The following EYS variants were observed in gnomAD, a reference collection of about 807,000 sequenced individuals.
EYS encodes EGF-like photoreceptor maintenance factor.
Under a neutral mutation model 282.1 loss-of-function variants are expected in EYS, and 250 were observed. That is an observed-to-expected ratio of 0.89 (90% CI 0.80 to 0.98). The LOEUF (loss-of-function observed/expected upper bound fraction) is 0.98. Among genes scored for constraint, EYS ranks in the 50% least tolerant of loss-of-function variants. EYS has a pLI of 0.00. For missense variants in EYS, 4,016 were observed against 3,709.0 expected, an observed-to-expected ratio of 1.08 and a Z score of -2.15; for synonymous variants, 1,355 against 1,282.9, an observed-to-expected ratio of 1.06 and a Z score of -1.20.
rs959077202 is a variant in EYS at position 63,867,648 on chromosome 6, G to A, written c.7056-3290C>T. ...GTAAGATACATAGTATGTGACAAAG[G>A]AATAGAGAAAGTATCAAGTATTTTA... On this transcript the variant is annotated intron_variant, in intron 35 of 42. Transcript: ENST00000503581. 7.2e-5 allele frequency among the ~76,000 whole-genome samples: 11 copies of A among 152,120 alleles called. No homozygotes were observed. In the East Asian group the frequency reaches 1.5e-3, roughly 21 times the overall value.
intron 1 of EYS, among the ~76,000 whole-genome samples, chr6:65,646,481 T>C (rs1383469459): frequency 6.6e-6 from 1 of 152,162 alleles, no homozygotes; most frequent in Non-Finnish European, 1.5e-5. Flanking sequence ...GCATCCTTTA[T>C]GAATAAAACC....
Position 64,003,732 on chromosome 6 carries a change from C to T in EYS, c.6726-4549G>A, listed in dbSNP as rs193011648. ...ATCTTGAATTGTAGTTCCCATAATC[C>T]CCACATGTCATGGGAGGAACCCAGT... On this transcript the variant is annotated intron_variant, in intron 33 of 42. Coordinates refer to ENST00000503581, the MANE Select transcript of EYS (RefSeq NM_001142800.2). 7.1e-3 allele frequency among the ~76,000 whole-genome samples: 1,083 copies of T among 152,236 alleles called. 8 individuals are homozygous for T. Among genetic ancestry groups the T allele is most frequent in the South Asian group, 0.017 (80 of 4,822 alleles).
intron 10 of EYS, among the ~76,000 whole-genome samples, chr6:65,343,051 T>C (rs980842250): frequency 1.3e-5 from 2 of 151,292 alleles, no homozygotes; most frequent in South Asian, 4.1e-4. Flanking sequence ...AAAATATATA[T>C]ATATGTAAGA....
chr6:63,849,521 C>A (rs1258643555), intron 36 of EYS, among the ~76,000 whole-genome samples: 1 of 152,124 alleles, frequency 6.6e-6, no homozygotes, highest in Non-Finnish European at 1.5e-5. Context: ...ACTGGTGATA[C>A]CCATGCAAAC....
At chr6:64,065,827 T>A (rs971839820) in intron 33 of EYS, among the ~76,000 whole-genome samples, 1 of 152,194 alleles carries the variant, frequency 6.6e-6, no homozygotes, top group African/African-American at 2.4e-5. Flanking sequence ...ATAGCTTAGT[T>A]CAATTTGTAG....
At chr6:64,362,800 C>T (rs922127168) in intron 29 of EYS, among the ~76,000 whole-genome samples, 2 of 151,690 alleles carry the variant, frequency 1.3e-5, no homozygotes, top group African/African-American at 2.4e-5. Flanking sequence ...ACAGTAGTGT[C>T]ACAAGTTAGG....
intron 2 of EYS, among the ~76,000 whole-genome samples, chr6:65,639,198 TAATATC>T (rs1364731084): frequency 6.6e-6 from 1 of 152,052 alleles, no homozygotes; most frequent in Non-Finnish European, 1.5e-5. Context: ...ATGATTAAGA[TAATATC>T]AATATGAGAA....
chr6:65,503,257 T>A (rs1431859267), intron 2 of EYS, among the ~76,000 whole-genome samples: 1 of 151,640 alleles, frequency 6.6e-6, no homozygotes, highest in Non-Finnish European at 1.5e-5. Flanking sequence ...ATTTACCATC[T>A]GTATATTTTG....
intron 2 of EYS, among the ~76,000 whole-genome samples, chr6:65,500,323 A>G (rs1462107019): frequency 1.3e-5 from 2 of 152,066 alleles, no homozygotes; most frequent in Admixed American, 6.6e-5. Context: ...CAAGTGAAAG[A>G]AGGTATCTCA....
intron 31 of EYS, among the ~76,000 whole-genome samples, chr6:64,221,546 A>G (rs1766102834): frequency 6.6e-6 from 1 of 152,172 alleles, no homozygotes; most frequent in African/African-American, 2.4e-5. Context: ...GTATTCTGTT[A>G]TAGCAACAGA....
At chr6:65,005,439 T>C (rs189234990) in intron 13 of EYS, among the ~76,000 whole-genome samples, 3 of 147,596 alleles carry the variant, frequency 2.0e-5, no homozygotes, top group South Asian at 4.4e-4. Flanking sequence ...GCCACCATCT[T>C]GGAAGCGGGT....
At chr6:64,015,418 T>A (rs551268526) in intron 33 of EYS, among the ~76,000 whole-genome samples, 182 of 152,246 alleles carry the variant, frequency 1.2e-3, no homozygotes, top group African/African-American at 4.3e-3. Flanking sequence ...ACTCTAAAAA[T>A]CTATAATCTG....
rs1768338166 is a variant in EYS at position 63,720,652 on chromosome 6, T to C, written c.9379A>G (p.Ile3127Val). ...FFQEPKNIEL[I>V]KLEGYNVYDG... is the part of the protein sequence containing the mutation. ...TAAACATTGTATCCTTCTAATTTAA[T>C]TAGTTCAATGTTTTTTGGTTCCTGA... Residue 3127 changes from isoleucine (I) to valine (V), a missense_variant, in exon 43 of 43, where the codon ATT becomes GTT. By Grantham distance (29) the Ile-to-Val change is conservative. Coordinates refer to ENST00000503581, the MANE Select transcript of EYS (RefSeq NM_001142800.2). 2 of 1,532,788 alleles carry C rather than the reference T, an allele frequency of 1.3e-6. No individual in the cohort carries two copies. Among genetic ancestry groups the C allele is most frequent in the Non-Finnish European group, 1.8e-6 (2 of 1,138,122 alleles). 94.9% of individuals were successfully genotyped at this position (1,532,788 alleles called of 1,614,324 possible).
chr6:63,875,932 T>C (rs2149715255), intron 35 of EYS, among the ~76,000 whole-genome samples: 1 of 152,338 alleles, frequency 6.6e-6, no homozygotes, highest in Non-Finnish European at 1.5e-5. Context: ...GCTCCTGGAT[T>C]CGTTGATTTT....
At chr6:64,653,638 C>T (rs1444398434) in intron 22 of EYS, among the ~76,000 whole-genome samples, 1 of 151,992 alleles carries the variant, frequency 6.6e-6, no homozygotes, top group African/African-American at 2.4e-5. Flanking sequence ...GACTGTGGCT[C>T]ACTGCAGCCT....
intron 15 of EYS, among the ~76,000 whole-genome samples, chr6:64,926,699 A>G (rs1025897599): frequency 1.3e-5 from 2 of 152,156 alleles, no homozygotes; most frequent in East Asian, 3.9e-4. Context: ...CTTTTTGCAC[A>G]GAAGTTCACA....
intron 12 of EYS, among the ~76,000 whole-genome samples, chr6:65,209,601 A>T (rs1766122555): frequency 6.6e-6 from 1 of 151,956 alleles, no homozygotes; most frequent in Non-Finnish European, 1.5e-5. Context: ...TGTTATAGGC[A>T]CTGGAAAGAG....
intron 33 of EYS, among the ~76,000 whole-genome samples, chr6:64,051,918 T>G (rs1233312326): frequency 1.3e-5 from 2 of 152,078 alleles, no homozygotes; most frequent in African/African-American, 2.4e-5. Flanking sequence ...AAAAGATGGG[T>G]GCAGGGGAAA....
intron 2 of EYS, among the ~76,000 whole-genome samples, chr6:65,598,768 T>C (rs1162658182): frequency 6.6e-6 from 1 of 152,100 alleles, no homozygotes; most frequent in Non-Finnish European, 1.5e-5. Flanking sequence ...CAGGACACAG[T>C]AGCTGGAGCC....
Sources: gnomAD v4.1 joint callset for allele counts (sites outside exome capture counted in the v4.1 genomes callset) on GRCh38, gnomAD v4.1.1 for gene constraint, MANE v1.5 for transcripts, NCBI Gene and HGNC (gene_info 2026-07-23, HGNC 2026-07-21) for gene names.